Variants in VPS41 observed in about 807,000 individuals in gnomAD.
VPS41 encodes vacuolar protein sorting-associated protein 41 homolog.
A neutral mutation model predicts 130.9 loss-of-function variants in VPS41; 85 were observed. The ratio of observed to expected loss-of-function variants is 0.65; its 90% CI spans 0.55 to 0.78. VPS41 has a LOEUF of 0.78. Ranked by LOEUF, VPS41 falls within the 30% of genes least tolerant of loss-of-function variation. The pLI, the probability that VPS41 is intolerant of heterozygous loss-of-function variation, is 0.00. For synonymous variants in VPS41, 335 were observed against 332.9 expected (o/e 1.01, Z -0.07); for missense variants, 874 against 1,018.7 (o/e 0.86, Z 1.93).
At chr7:38,798,086 A>C (rs1784655149) in intron 7 of VPS41, among the ~76,000 whole-genome samples, 1 of 152,190 alleles carries the variant, frequency 6.6e-6, no homozygotes, top group Non-Finnish European at 1.5e-5. Context: ...GTTCCAATTC[A>C]GAAGTCACTA....
At chr7:38,755,265 C>T (rs2115724007) in intron 19 of VPS41, among the ~76,000 whole-genome samples, 1 of 152,312 alleles carries the variant, frequency 6.6e-6, no homozygotes, top group East Asian at 1.9e-4. Flanking sequence ...TCTCATGAGA[C>T]TCTCAGTAGT....
chr7:38,770,269 CAA>C (rs5883660), intron 14 of VPS41, among the ~76,000 whole-genome samples: 22 of 79,468 alleles, frequency 2.8e-4, no homozygotes, highest in Non-Finnish European at 1.7e-4. Context: ...AACTCCGTCT[CAA>C]AAAAAAAAAA....
At position 38,789,814 on chromosome 7, in the gene VPS41, T is replaced by C; in HGVS notation, c.771A>G (p.Arg257=). The C allele has an allele frequency of 6.2e-7, 1 of 1,613,734 alleles. No homozygotes were observed. The part of the protein sequence containing the change: ...HASEMRDLPS[R]YVEIVSQFET... ...TTGGAGCCATACCTATTTCAACATA[T>C]CGACTTGGCAAATCCCTCATTTCAC... Residue 257 remains arginine (R), a synonymous_variant, in exon 10 of 29, where the codon CGA becomes CGG. Coordinates refer to ENST00000310301, the MANE Select transcript of VPS41 (RefSeq NM_014396.4).
At chr7:38,746,607 G>A (rs892408519) in intron 22 of VPS41, among the ~76,000 whole-genome samples, 16 of 152,102 alleles carry the variant, frequency 1.1e-4, no homozygotes, top group African/African-American at 3.9e-4. Context: ...CCTCTTGTGA[G>A]AAGCTTCAAG....
rs1795971418 is a variant in VPS41, at chr7:38,745,613, C to G, written c.1927G>C (p.Ala643Pro). 6.2e-7 allele frequency: 1 copy of G among 1,600,714 alleles called. No individual in the cohort carries two copies. The highest frequency in any genetic ancestry group is 8.5e-7 in the Non-Finnish European group (1 of 1,176,072). ...TTTCTCTGTTGACAGATCTCAAGAG[C>G]CTTCAATTAAAGCAGGGTAAAAATG... Reference protein sequence around the residue: ...RDSTHCPLEKALEICQQRNFV... With the variant: ...RDSTHCPLEKPLEICQQRNFV... Residue 643 changes from alanine (A) to proline (P), a missense_variant and splice_region_variant, in exon 23 of 29, where the codon GCT (alanine) becomes CCT (proline). Coordinates refer to ENST00000310301, the MANE Select transcript of VPS41 (RefSeq NM_014396.4).
At chr7:38,767,808 C>T (rs1394329603) in intron 14 of VPS41, among the ~76,000 whole-genome samples, 2 of 151,810 alleles carry the variant, frequency 1.3e-5, no homozygotes, top group Non-Finnish European at 2.9e-5. Flanking sequence ...TTTTAGAATT[C>T]ACAGGTCAGG....
At chr7:38,897,385 C>T (rs1787026660) in intron 2 of VPS41, among the ~76,000 whole-genome samples, 1 of 151,998 alleles carries the variant, frequency 6.6e-6, no homozygotes, top group African/African-American at 2.4e-5. Context: ...GTGGCTCACG[C>T]CTGTAATCCC....
chr7:38,744,637 T>C (rs1795950633), intron 23 of VPS41, among the ~76,000 whole-genome samples: 1 of 152,176 alleles, frequency 6.6e-6, no homozygotes, highest in Admixed American at 6.5e-5. Flanking sequence ...AGAACACTGT[T>C]TGGAATTAGT....
At chr7:38,785,734 T>C (rs974453209) in intron 10 of VPS41, among the ~76,000 whole-genome samples, 1 of 152,154 alleles carries the variant, frequency 6.6e-6, no homozygotes, top group African/African-American at 2.4e-5. Flanking sequence ...CACTAAAAAA[T>C]AGCAAACAAG....
intron 18 of VPS41, 58 bp from the exon 19 acceptor site, chr7:38,757,040 CAG>C: frequency 7.6e-7 from 1 of 1,309,654 alleles, no homozygotes; most frequent in Non-Finnish European, 1.1e-6. Flanking sequence ...AAAACACACA[CAG>C]AGAGATCATG....
intron 24 of VPS41, among the ~76,000 whole-genome samples, chr7:38,742,337 G>A (rs1449851495): frequency 6.6e-6 from 1 of 152,136 alleles, no homozygotes; most frequent in Non-Finnish European, 1.5e-5. Context: ...ACATGAAGGA[G>A]AAAGTAAATA....
intron 9 of VPS41, 58 bp downstream of exon 9, chr7:38,795,407 G>A: frequency 6.7e-7 from 1 of 1,503,654 alleles, no homozygotes; most frequent in Non-Finnish European, 9.0e-7. Flanking sequence ...CAGTCCTTTG[G>A]ACCACCCTCA....
At chr7:38,848,456 T>C (rs986623851) in intron 4 of VPS41, among the ~76,000 whole-genome samples, 3 of 152,032 alleles carry the variant, frequency 2.0e-5, no homozygotes, top group South Asian at 2.1e-4. Context: ...CCATATACAA[T>C]TGAACATTAT....
At chr7:38,813,580 C>G (rs1238039220) in intron 7 of VPS41, among the ~76,000 whole-genome samples, 2 of 152,110 alleles carry the variant, frequency 1.3e-5, no homozygotes, top group African/African-American at 4.8e-5. Context: ...TGACTTAATA[C>G]CAATTACTTA....
At chr7:38,897,372 G>A (rs937668432) in intron 2 of VPS41, among the ~76,000 whole-genome samples, 10 of 151,852 alleles carry the variant, frequency 6.6e-5, no homozygotes, top group Non-Finnish European at 1.2e-4. Flanking sequence ...CAGGCCGGGC[G>A]CGGTGGCTCA....
At chr7:38,901,437 C>T (rs754677639) in intron 1 of VPS41, among the ~76,000 whole-genome samples, 18 of 152,210 alleles carry the variant, frequency 1.2e-4, no homozygotes, top group Non-Finnish European at 2.2e-4. Context: ...GCTGCTTCTA[C>T]TCATGGCAGT....
At chr7:38,858,505 T>C (rs1429902574) in intron 4 of VPS41, among the ~76,000 whole-genome samples, 2 of 152,194 alleles carry the variant, frequency 1.3e-5, no homozygotes. Context: ...GAGGAGTCCA[T>C]TCAGTAGACT....
intron 1 of VPS41, among the ~76,000 whole-genome samples, chr7:38,908,442 A>C (rs901678482): frequency 1.3e-5 from 2 of 152,130 alleles, no homozygotes; most frequent in African/African-American, 2.4e-5. Flanking sequence ...CCAGTTGTTG[A>C]CTGGATACTA....
At chr7:38,822,963 G>C (rs555938350) in intron 5 of VPS41, among the ~76,000 whole-genome samples, 2 of 152,304 alleles carry the variant, frequency 1.3e-5, no homozygotes, top group African/African-American at 2.4e-5. Flanking sequence ...TGTGTTCACT[G>C]TCTTTCTAGT....
Sources: gnomAD v4.1 joint callset for allele counts (sites outside exome capture counted in the v4.1 genomes callset) on GRCh38, gnomAD v4.1.1 for gene constraint, MANE v1.5 for transcripts, NCBI Gene and HGNC (gene_info 2026-07-23, HGNC 2026-07-21) for gene names.